The following EGFL6 variants were observed in gnomAD, a reference collection of about 807,000 sequenced individuals.
EGFL6 encodes epidermal growth factor-like protein 6.
Under a neutral mutation model 43.1 loss-of-function variants are expected in EGFL6, and 42 were observed. That is an observed-to-expected ratio of 0.98 (90% CI 0.76 to 1.26). The LOEUF is 1.26. Among genes scored for constraint, EGFL6 ranks in the 50% most tolerant of loss-of-function variants. The pLI, the probability that EGFL6 is intolerant of heterozygous loss-of-function variation, is 0.00. For missense variants in EGFL6, 429 were observed against 427.8 expected, an observed-to-expected ratio of 1.00 and a Z score of -0.02; for synonymous variants, 164 against 163.2, an observed-to-expected ratio of 1.01 and a Z score of -0.04.
chrX:13,587,627 T>C (rs985851878), intron 1 of EGFL6, among the ~76,000 whole-genome samples: 3 of 112,102 alleles, frequency 2.7e-5, no homozygotes, highest in Non-Finnish European at 5.6e-5. Context: ...TGGGTCAAGA[T>C]TGTGGTATCC....
chrX:13,628,788 C>G (rs2045795494), intron 11 of EGFL6, among the ~76,000 whole-genome samples: 1 of 108,215 alleles, frequency 9.2e-6, no homozygotes, highest in Admixed American at 9.8e-5. Flanking sequence ...GCCTGGGCAA[C>G]AAGAGTGAAA....
intron 1 of EGFL6, among the ~76,000 whole-genome samples, chrX:13,571,722 A>G (rs950035366): frequency 2.7e-5 from 3 of 112,366 alleles, no homozygotes; most frequent in African/African-American, 6.5e-5. Context: ...GTTTCTTTAG[A>G]CGATTATCAA....
intron 5 of EGFL6, among the ~76,000 whole-genome samples, chrX:13,603,980 A>G (rs6629277): frequency 0.4 from 44,453 of 110,765 alleles, 6,589 homozygotes; most frequent in South Asian, 0.66. Context: ...GAGCAGATTA[A>G]GTCCATAATA....
chrX:13,578,816 T>A (rs1170738623), intron 1 of EGFL6, among the ~76,000 whole-genome samples: 1 of 109,251 alleles, frequency 9.2e-6, no homozygotes, highest in Admixed American at 9.6e-5. Context: ...CATTGGTAGA[T>A]ATACCTAATG....
chrX:13,587,405 T>C (rs1024138021), intron 1 of EGFL6, among the ~76,000 whole-genome samples: 14 of 111,747 alleles, frequency 1.3e-4, no homozygotes, highest in African/African-American at 3.9e-4. Flanking sequence ...GTTACATGCA[T>C]AGACTATATC....
At chrX:13,606,567 G>A (rs1217093791) in intron 6 of EGFL6, 54 bp downstream of exon 6, 3 of 1,146,398 alleles carry the variant, frequency 2.6e-6, no homozygotes, top group Non-Finnish European at 3.5e-6. Context: ...AAACCTTTGA[G>A]CCTTCTCTGC....
At chrX:13,612,239 G>A (rs1397700579) in intron 7 of EGFL6, among the ~76,000 whole-genome samples, 1 of 108,404 alleles carries the variant, frequency 9.2e-6, no homozygotes, top group Admixed American at 9.8e-5. Flanking sequence ...ATTAGGGAGT[G>A]GTGATGACTC....
intron 9 of EGFL6, 98 bp from the exon 10 acceptor site, chrX:13,623,726 T>G (rs1274950730): frequency 2.1e-5 from 13 of 606,404 alleles, no homozygotes; most frequent in Non-Finnish European, 3.2e-5. Flanking sequence ...CTGTACTCTG[T>G]GCGACTGAAA....
Position 13,633,129 on chromosome X carries a change from A to C in EGFL6, c.*34A>C, listed in dbSNP as rs199701751. 8.9e-7 allele frequency: 1 copy of C among 1,118,400 alleles called. No individual in the cohort carries two copies. 92.2% of individuals were successfully genotyped at this position (1,118,400 alleles called of 1,213,427 possible). ...ATCTTTATATTTGACTTTGTATGTCAGTTCCCTGGTTTTTTTGATATTGCA... is the reference window on the plus strand; with the variant it reads ...ATCTTTATATTTGACTTTGTATGTCCGTTCCCTGGTTTTTTTGATATTGCA... On this transcript the variant is annotated 3_prime_UTR_variant, in exon 12 of 12. Transcript: ENST00000361306.
At chrX:13,630,126 C>T (rs2146712754) in intron 11 of EGFL6, among the ~76,000 whole-genome samples, 1 of 111,435 alleles carries the variant, frequency 9.0e-6, no homozygotes, top group Non-Finnish European at 1.9e-5. Flanking sequence ...GCTCCCCTCA[C>T]CACTTCTCCT....
intron 1 of EGFL6, among the ~76,000 whole-genome samples, chrX:13,578,212 T>G (rs990847802): frequency 9.0e-6 from 1 of 110,870 alleles, no homozygotes; most frequent in African/African-American, 3.3e-5. Flanking sequence ...CTTCAAAATT[T>G]AGTGGCTTAC....
At chrX:13,577,341 T>TATATATATAC (rs1345271588) in intron 1 of EGFL6, among the ~76,000 whole-genome samples, 2 of 12,011 alleles carry the variant, frequency 1.7e-4, no homozygotes, top group African/African-American at 5.7e-4. Flanking sequence ...TATATATATA[T>TATATATATAC]ACATACACAC....
intron 10 of EGFL6, among the ~76,000 whole-genome samples, chrX:13,625,885 CAAA>C (rs755901799): frequency 6.5e-5 from 2 of 30,902 alleles, no homozygotes; most frequent in Admixed American, 4.3e-4. Flanking sequence ...GACCCTGCCT[CAAA>C]AAAAAAAAAA....
At position 13,600,038 on chromosome X, in the gene EGFL6, G is replaced by A. The variant is rs191850812; in HGVS notation, c.344G>A (p.Ser115Asn). 1 of 1,211,220 alleles carries A rather than the reference G, an allele frequency of 8.3e-7. No homozygotes were observed. Among genetic ancestry groups the A allele is most frequent in the Non-Finnish European group, 1.1e-6 (1 of 895,071 alleles). ...CQHRCVNTHG[S>N]YKCFCLSGHM... ...CACAGATGTGTGAATACACACGGAA[G>A]CTACAAGTGCTTTTGCCTCAGTGGC... is the stretch of plus-strand genomic sequence containing the variant. Residue 115 changes from serine (S) to asparagine (N), a missense_variant, in exon 4 of 12, where the codon AGC (serine) becomes AAC (asparagine). Physicochemically the swap from Ser to Asn is conservative, Grantham distance 46. Coordinates refer to ENST00000361306, the MANE Select transcript of EGFL6 (RefSeq NM_015507.4).
Position 13,633,000 on chromosome X carries a change from G to A in EGFL6, c.1567G>A (p.Glu523Lys). The A allele has an allele frequency of 8.3e-7, 1 of 1,208,278 alleles. No homozygotes were observed. Among genetic ancestry groups the A allele is most frequent in the Non-Finnish European group, 1.1e-6 (1 of 894,279 alleles). Reference protein sequence around the residue: ...DATKSIIFEAERGKGKTGEIA... With the variant: ...DATKSIIFEAKRGKGKTGEIA... The stretch of plus-strand genomic sequence containing the variant: ...CCATTATTAGATCATTTTTGAAGCA[G>A]AACGTGGCAAGGGCAAAACCGGCGA... Residue 523 changes from glutamate to lysine, a missense_variant, in exon 12 of 12, where the codon GAA (glutamate) becomes AAA (lysine). Transcript: ENST00000361306.
intron 6 of EGFL6, among the ~76,000 whole-genome samples, chrX:13,607,838 C>A (rs1262416027): frequency 8.9e-6 from 1 of 112,156 alleles, no homozygotes; most frequent in African/African-American, 3.2e-5. Context: ...AAATTTTCCT[C>A]CTCTAAACCC....
At position 13,595,008 on chromosome X, in the gene EGFL6, T is replaced by C. The variant is rs1249475577; in HGVS notation, c.280+80T>C. On this transcript the variant is annotated intron_variant, in intron 3 of 11. Coordinates refer to ENST00000361306, the MANE Select transcript of EGFL6 (RefSeq NM_015507.4). The stretch of plus-strand genomic sequence containing the variant: ...GCGACTCAATATGGTACGCAGGATT[T>C]CTTAGGGTTTTTTTAAAGTCAAATC... 4.2e-6 allele frequency: 3 copies of C among 719,665 alleles called. No individual in the cohort carries two copies. In the African/African-American group the frequency reaches 6.4e-5, roughly 15 times the overall value. The allele number at this position is 719,665 out of a possible 1,213,427, so 59.3% of individuals were successfully genotyped here.
chrX:13,613,068 C>A (rs1215623346), intron 7 of EGFL6, among the ~76,000 whole-genome samples: 2 of 107,440 alleles, frequency 1.9e-5, no homozygotes, highest in Non-Finnish European at 3.8e-5. Context: ...TTGCTTGAAG[C>A]CAGGAGGCAG....
At chrX:13,608,587 A>T in intron 7 of EGFL6, 141 bp downstream of exon 7, 1 of 738,082 alleles carries the variant, frequency 1.4e-6, no homozygotes, top group Admixed American at 3.2e-5. Flanking sequence ...GTGTGTGTGC[A>T]GTGTTTAACT....
Sources: gnomAD v4.1 joint callset for allele counts (sites outside exome capture counted in the v4.1 genomes callset) on GRCh38, gnomAD v4.1.1 for gene constraint, MANE v1.5 for transcripts, NCBI Gene and HGNC (gene_info 2026-07-23, HGNC 2026-07-21) for gene names.